The following UST variants were observed in gnomAD, a reference collection of about 807,000 sequenced individuals.
UST encodes the protein chondroitin sulfate 2-O-sulfotransferase.
In UST, 21 loss-of-function variants were observed where a neutral mutation model predicts 45.6. The observed-to-expected ratio is 0.46, with a 90% confidence interval of 0.33 to 0.66. The LOEUF (loss-of-function observed/expected upper bound fraction) is 0.66. Among genes scored for constraint, UST ranks in the 30% least tolerant of loss-of-function variants. The pLI is 0.02. For synonymous variants in UST, 215 were observed against 200.6 expected, an observed-to-expected ratio of 1.07 and a Z score of -0.61; for missense variants, 463 against 512.4, an observed-to-expected ratio of 0.90 and a Z score of 0.93.
intron 4 of UST, among the ~76,000 whole-genome samples, chr6:148,957,535 G>A (rs1780541576): frequency 6.6e-6 from 1 of 152,132 alleles, no homozygotes; most frequent in South Asian, 2.1e-4. Context: ...CTCAGTTCAA[G>A]CGATTCTCCT....
chr6:148,980,661 C>CATCCTCA lies in UST; in HGVS notation c.681+16099_681+16105dup, dbSNP rs550547935. ...CTGACATCATCTTTCAGAAAAAGCT[C>CATCCTCA]ATCCTCATCTCTATTCTTGTCCTTA... On this transcript the variant is annotated intron_variant, in intron 5 of 7. Transcript: ENST00000367463. Among the ~76,000 whole-genome samples the CATCCTCA allele has an allele frequency of 7.4e-3, 1,126 of 151,992 alleles. 4 individuals are homozygous for CATCCTCA. The highest frequency in any genetic ancestry group is 0.011 in the Non-Finnish European group (764 of 67,976).
chr6:148,752,442 G>T (rs1776007677), intron 1 of UST, among the ~76,000 whole-genome samples: 2 of 152,174 alleles, frequency 1.3e-5, no homozygotes, highest in African/African-American at 2.4e-5. Flanking sequence ...TTGTGGGGTT[G>T]GTTGGGGACA....
intron 2 of UST, among the ~76,000 whole-genome samples, chr6:148,892,605 A>G (rs910600569): frequency 1.3e-5 from 2 of 152,182 alleles, no homozygotes; most frequent in Admixed American, 6.5e-5. Context: ...CAGTTTCTCC[A>G]TTGCACTAGC....
intron 7 of UST, among the ~76,000 whole-genome samples, chr6:149,047,755 C>T (rs978894709): frequency 6.6e-6 from 1 of 152,206 alleles, no homozygotes; most frequent in South Asian, 2.1e-4. Context: ...CCATTTTCCT[C>T]ACATGAGCAT....
At chr6:149,045,175 T>TC (rs11429928) in intron 7 of UST, among the ~76,000 whole-genome samples, 59,006 of 151,968 alleles carry the variant, frequency 0.39, 12,468 homozygotes, top group African/African-American at 0.53. Flanking sequence ...GGACAGGCTT[T>TC]CTGGCTATAA....
At chr6:149,047,002 C>T (rs771747628) in intron 7 of UST, among the ~76,000 whole-genome samples, 3 of 152,128 alleles carry the variant, frequency 2.0e-5, no homozygotes, top group African/African-American at 7.2e-5. Flanking sequence ...TAAAGAGGAA[C>T]GATTTTCCTT....
intron 1 of UST, among the ~76,000 whole-genome samples, chr6:148,792,205 C>T (rs1776862666): frequency 6.6e-6 from 1 of 152,166 alleles, no homozygotes; most frequent in Non-Finnish European, 1.5e-5. Context: ...TGATACTTCC[C>T]ATTAATGTGA....
chr6:148,856,577 G>C (rs535808296), intron 1 of UST, among the ~76,000 whole-genome samples: 1 of 152,334 alleles, frequency 6.6e-6, no homozygotes, highest in African/African-American at 2.4e-5. Context: ...GTGACTAGGC[G>C]GTAGCTACCT....
Position 148,964,413 on chromosome 6 carries a change from T to C in UST, c.531T>C (p.Phe177=). ...RHVHFLNFSR[F]GGDQPVYINI... Reference sequence around the variant, plus strand: ...ACGAACTCAATGTTTGTGTTAGGTTTGGAGGAGACCAGCCTGTCTACATCA... The same window carrying C: ...ACGAACTCAATGTTTGTGTTAGGTTCGGAGGAGACCAGCCTGTCTACATCA... Residue 177 remains phenylalanine (F), a synonymous_variant, in exon 5 of 8, where the codon TTT becomes TTC. Coordinates refer to ENST00000367463, the MANE Select transcript of UST (RefSeq NM_005715.3). 1 of 1,614,156 alleles carries C rather than the reference T, an allele frequency of 6.2e-7. No individual in the cohort carries two copies. The highest frequency in any genetic ancestry group is 8.5e-7 in the Non-Finnish European group (1 of 1,180,018).
chr6:148,961,352 T>C (rs1410499870), intron 4 of UST, among the ~76,000 whole-genome samples: 1 of 152,200 alleles, frequency 6.6e-6, no homozygotes, highest in Non-Finnish European at 1.5e-5. Context: ...GCCTGACTCT[T>C]CTACTCTCTA....
intron 7 of UST, among the ~76,000 whole-genome samples, chr6:149,046,278 C>T (rs542147277): frequency 6.6e-6 from 1 of 152,220 alleles, no homozygotes; most frequent in African/African-American, 2.4e-5. Flanking sequence ...GCAGGTCACA[C>T]ACAATTAGTG....
At chr6:148,977,800 C>T (rs1393364539) in intron 5 of UST, among the ~76,000 whole-genome samples, 11 of 151,494 alleles carry the variant, frequency 7.3e-5, no homozygotes, top group Admixed American at 5.3e-4. Flanking sequence ...TTCAGCCGTC[C>T]GCTACCCCCA....
intron 2 of UST, among the ~76,000 whole-genome samples, chr6:148,892,991 TGTA>T (rs1779049552): frequency 2.0e-5 from 3 of 152,202 alleles, no homozygotes; most frequent in Non-Finnish European, 2.9e-5. Flanking sequence ...TCTTTTTCTT[TGTA>T]ATATCTCTAA....
chr6:148,850,278 G>C (rs1461456191), intron 1 of UST, among the ~76,000 whole-genome samples: 1 of 152,110 alleles, frequency 6.6e-6, no homozygotes, highest in Non-Finnish European at 1.5e-5. Flanking sequence ...CAGCATTTGA[G>C]TGCCAGCAGC....
intron 5 of UST, among the ~76,000 whole-genome samples, chr6:149,010,435 T>TGG (rs1453543689): frequency 5.9e-5 from 9 of 152,282 alleles, no homozygotes; most frequent in African/African-American, 2.2e-4. Flanking sequence ...GGGATATTTC[T>TGG]GGGGGAGAGG....
chr6:148,763,421 G>T (rs979917042), intron 1 of UST, among the ~76,000 whole-genome samples: 1 of 152,052 alleles, frequency 6.6e-6, no homozygotes, highest in East Asian at 1.9e-4. Flanking sequence ...TCCTTTGTGG[G>T]ATGCATTTTT....
Position 148,886,866 on chromosome 6 carries a change from T to C in UST, c.248-120T>C, listed in dbSNP as rs527610933. 3 of 815,818 alleles carry C rather than the reference T, an allele frequency of 3.7e-6. No individual in the cohort carries two copies. The South Asian group carries it at 4.5e-5, about 12-fold the overall frequency. The allele number at this position is 815,818 out of a possible 1,614,324, so 50.5% of individuals were successfully genotyped here. A position where few individuals can be genotyped will look rare whatever the true frequency, so the allele number is the denominator to read the frequency against. ...CCAGTGATTAATTCCCCATTTTTCT[T>C]TGGTACTGTTGTCTGAGCAGAAATA... is the stretch of plus-strand genomic sequence containing the variant. On this transcript the variant is annotated intron_variant, in intron 1 of 7. Transcript: ENST00000367463.
intron 5 of UST, among the ~76,000 whole-genome samples, chr6:148,991,662 G>C (rs1283043251): frequency 6.6e-6 from 1 of 151,826 alleles, no homozygotes; most frequent in Admixed American, 6.6e-5. Context: ...CATAATTCTT[G>C]GATCAATGTC....
At chr6:148,831,017 C>T (rs760721149) in intron 1 of UST, among the ~76,000 whole-genome samples, 4 of 117,602 alleles carry the variant, frequency 3.4e-5, no homozygotes, top group Non-Finnish European at 5.2e-5. Context: ...GAAATTTTTA[C>T]ATTGAAAAGA....
Sources: allele counts gnomAD v4.1 joint callset (sites outside exome capture counted in the v4.1 genomes callset), GRCh38; gene constraint gnomAD v4.1.1; transcripts MANE v1.5; gene names NCBI Gene and HGNC (gene_info 2026-07-23, HGNC 2026-07-21).